The following GPC6 variants were observed in gnomAD, a reference collection of about 807,000 sequenced individuals.
The protein encoded by GPC6 is glypican 6, also known as glypican-6.
In GPC6, 14 loss-of-function variants were observed where a neutral mutation model predicts 55.2. That is an observed-to-expected ratio of 0.25 (90% CI 0.17 to 0.40). The LOEUF (loss-of-function observed/expected upper bound fraction) is 0.40, where lower values mean the gene tolerates loss of function less well. Among genes scored for constraint, GPC6 ranks in the 10% least tolerant of loss-of-function variants. The pLI, the probability that GPC6 is intolerant of heterozygous loss-of-function variation, is 1.00. For missense variants in GPC6, 641 were observed against 708.5 expected (o/e 0.90, Z 1.08); for synonymous variants, 278 against 259.6 (o/e 1.07, Z -0.68).
At chr13:93,546,030 T>C (rs17234663) in intron 2 of GPC6, among the ~76,000 whole-genome samples, 18,298 of 152,298 alleles carry the variant, frequency 0.12, 1,344 homozygotes, top group East Asian at 0.3. Flanking sequence ...AATTTCAGCA[T>C]TGAATTTTCG....
In GPC6 at chr13:93,291,361, A is replaced by T. The variant is rs563620481; in HGVS notation, c.160+63745A>T. ...ATTTCAACCAGATTTTCTATATTTA[A>T]GTGTGGTTATACAGTGCTGTTTTGC... On this transcript the variant is annotated intron_variant, in intron 1 of 8. Coordinates refer to ENST00000377047, the MANE Select transcript of GPC6 (RefSeq NM_005708.5). 7.2e-5 allele frequency among the ~76,000 whole-genome samples: 11 copies of T among 152,194 alleles called. No individual in the cohort carries two copies. In the South Asian group the frequency reaches 2.3e-3, roughly 32 times the overall value.
In GPC6 at chr13:94,027,143, A is replaced by G. The variant is rs530971440; in HGVS notation, c.712-586A>G. On this transcript the variant is annotated intron_variant, in intron 3 of 8. Coordinates refer to ENST00000377047, the MANE Select transcript of GPC6 (RefSeq NM_005708.5). ...TACGTAGCTCCTCTGAATTACTGCAAGGATTGCTTCTCACATTTAACACTG... is the reference window on the plus strand; with the variant it reads ...TACGTAGCTCCTCTGAATTACTGCAGGGATTGCTTCTCACATTTAACACTG... Among the ~76,000 whole-genome samples the G allele has an allele frequency of 3.9e-5, 6 of 152,282 alleles. No individual in the cohort carries two copies. The East Asian group carries it at 1.2e-3, about 30-fold the overall frequency.
At chr13:93,924,526 G>T (rs563819727) in intron 3 of GPC6, among the ~76,000 whole-genome samples, 1 of 152,092 alleles carries the variant, frequency 6.6e-6, no homozygotes, top group Non-Finnish European at 1.5e-5. Flanking sequence ...ACCTGACTTC[G>T]ATTTTTCTTT....
chr13:93,726,586 T>G (rs1883652834), intron 2 of GPC6, among the ~76,000 whole-genome samples: 1 of 152,040 alleles, frequency 6.6e-6, no homozygotes, highest in African/African-American at 2.4e-5. Context: ...ATCTGTAACA[T>G]CTCCACTTTT....
chr13:93,301,113 T>C (rs1472253548), intron 1 of GPC6, among the ~76,000 whole-genome samples: 1 of 152,242 alleles, frequency 6.6e-6, no homozygotes, highest in East Asian at 1.9e-4. Flanking sequence ...ATGTTAGCTT[T>C]ACTAACTCAT....
intron 2 of GPC6, among the ~76,000 whole-genome samples, chr13:93,579,754 TAAGAC>T (rs1876848213): frequency 6.6e-6 from 1 of 152,134 alleles, no homozygotes; most frequent in Non-Finnish European, 1.5e-5. Context: ...TTAGGACTCA[TAAGAC>T]GAGATATGTC....
chr13:94,291,468 A>G (rs544044871), intron 5 of GPC6, among the ~76,000 whole-genome samples: 5 of 152,320 alleles, frequency 3.3e-5, no homozygotes, highest in African/African-American at 1.2e-4. Context: ...ATGGAGAGGT[A>G]AAGTGGTTGG....
At chr13:93,349,769 A>T (rs1020180771) in intron 1 of GPC6, among the ~76,000 whole-genome samples, 4 of 152,076 alleles carry the variant, frequency 2.6e-5, no homozygotes, top group Non-Finnish European at 5.9e-5. Context: ...ACCAGTTTTA[A>T]TTTTTCCATC....
upstream of GPC6, among the ~76,000 whole-genome samples, chr13:93,223,896 C>CTT (rs10592858): frequency 7.5e-3 from 627 of 83,530 alleles, 26 homozygotes; most frequent in African/African-American, 0.029. Context: ...TATTTGTTTG[C>CTT]TTTTTTTTTT....
intron 2 of GPC6, among the ~76,000 whole-genome samples, chr13:93,680,016 G>A (rs1881790083): frequency 6.6e-6 from 1 of 152,104 alleles, no homozygotes; most frequent in Middle Eastern, 3.2e-3. Context: ...TTGTGGATAT[G>A]GAGAAATAGA....
chr13:94,328,011 C>T (rs1877213920), intron 6 of GPC6, among the ~76,000 whole-genome samples: 1 of 152,184 alleles, frequency 6.6e-6, no homozygotes, highest in Admixed American at 6.5e-5. Context: ...AAAGGGTGAT[C>T]TTTCCTGCTT....
At chr13:94,088,566 G>A (rs1199169303) in intron 4 of GPC6, among the ~76,000 whole-genome samples, 1 of 115,340 alleles carries the variant, frequency 8.7e-6, no homozygotes, top group Non-Finnish European at 1.9e-5. Flanking sequence ...GAAGGGCAGG[G>A]GAGGGGAAGG....
chr13:93,675,761 T>C (rs1164271925), intron 2 of GPC6, among the ~76,000 whole-genome samples: 1 of 152,134 alleles, frequency 6.6e-6, no homozygotes, highest in Non-Finnish European at 1.5e-5. Context: ...ATAAGAATGT[T>C]GATTACTCCA....
chr13:94,009,019 G>A (rs1882134586), intron 3 of GPC6, among the ~76,000 whole-genome samples: 1 of 152,120 alleles, frequency 6.6e-6, no homozygotes, highest in Admixed American at 6.5e-5. Flanking sequence ...AAGGCTCCAA[G>A]TGCTAAGATA....
At chr13:93,281,858 C>T (rs1370207279) in intron 1 of GPC6, among the ~76,000 whole-genome samples, 2 of 152,042 alleles carry the variant, frequency 1.3e-5, no homozygotes, top group African/African-American at 4.8e-5. Flanking sequence ...CCAATATGCA[C>T]CTATTCTGAA....
chr13:93,291,701 CAT>C (rs752877376), intron 1 of GPC6, among the ~76,000 whole-genome samples: 2 of 152,000 alleles, frequency 1.3e-5, no homozygotes, highest in Non-Finnish European at 2.9e-5. Context: ...CTATAGCAAT[CAT>C]ATTAAAAATG....
chr13:93,982,257 G>A (rs897536509), intron 3 of GPC6, among the ~76,000 whole-genome samples: 4 of 152,210 alleles, frequency 2.6e-5, no homozygotes, highest in East Asian at 1.9e-4. Flanking sequence ...GTTAGTCAAC[G>A]TGATTCAAAA....
chr13:93,885,446 C>A, intron 3 of GPC6, among the ~76,000 whole-genome samples: 1 of 150,322 alleles, frequency 6.7e-6, no homozygotes, highest in Non-Finnish European at 1.5e-5. Flanking sequence ...TTACAAAATT[C>A]TCTGGGGAAT....
At chr13:94,064,173 A>C (rs1192952190) in intron 4 of GPC6, among the ~76,000 whole-genome samples, 1 of 152,216 alleles carries the variant, frequency 6.6e-6, no homozygotes, top group Non-Finnish European at 1.5e-5. Flanking sequence ...TATGTAAATG[A>C]GGAGGTGGTA....
Sources: allele counts gnomAD v4.1 joint callset (sites outside exome capture counted in the v4.1 genomes callset), GRCh38; gene constraint gnomAD v4.1.1; transcripts MANE v1.5; gene names NCBI Gene and HGNC (gene_info 2026-07-23, HGNC 2026-07-21).